Variants in SLMAP observed in about 807,000 individuals in gnomAD.
SLMAP encodes sarcolemma associated protein.
Under a neutral mutation model 128.8 loss-of-function variants are expected in SLMAP, and 44 were observed. The ratio of observed to expected loss-of-function variants is 0.34; its 90% CI spans 0.27 to 0.44. SLMAP has a LOEUF of 0.44. Among genes scored for constraint, SLMAP ranks in the 20% least tolerant of loss-of-function variants. The pLI is 1.00. For synonymous variants in SLMAP, 327 were observed against 348.8 expected, an observed-to-expected ratio of 0.94 and a Z score of 0.70; for missense variants, 787 against 985.3, an observed-to-expected ratio of 0.80 and a Z score of 2.69.
intron 14 of SLMAP, among the ~76,000 whole-genome samples, chr3:57,887,467 C>T (rs1278362714): frequency 6.6e-6 from 1 of 152,112 alleles, no homozygotes; most frequent in Admixed American, 6.6e-5. Flanking sequence ...CAACCTCGGC[C>T]TCCCAAAGTG....
intron 10 of SLMAP, among the ~76,000 whole-genome samples, chr3:57,863,695 C>T (rs1027136714): frequency 6.6e-6 from 1 of 152,050 alleles, no homozygotes; most frequent in African/African-American, 2.4e-5. Flanking sequence ...GAGGACAGCA[C>T]CAAGCCATTC....
At chr3:57,815,767 A>G (rs1473215249) in intron 2 of SLMAP, among the ~76,000 whole-genome samples, 1 of 151,732 alleles carries the variant, frequency 6.6e-6, no homozygotes, top group Non-Finnish European at 1.5e-5. Flanking sequence ...GCACTGCACC[A>G]GCCTTTTTAT....
At chr3:57,906,318 T>TTTTTTTTTTTTTTTTTTTTTTTC (rs2096558913) in intron 17 of SLMAP, among the ~76,000 whole-genome samples, 1 of 120,168 alleles carries the variant, frequency 8.3e-6, no homozygotes, top group Non-Finnish European at 1.7e-5. Flanking sequence ...TTCTTTTTTT[T>TTTTTTTTTTTTTTTTTTTTTTTC]TTTTTTTTTT....
At chr3:57,868,281 A>G (rs1163083942) in intron 13 of SLMAP, among the ~76,000 whole-genome samples, 1 of 151,820 alleles carries the variant, frequency 6.6e-6, no homozygotes, top group South Asian at 2.1e-4. Flanking sequence ...AATAAACATA[A>G]TGAGAGCCAC....
intron 2 of SLMAP, among the ~76,000 whole-genome samples, chr3:57,825,659 A>G (rs1044275372): frequency 4.6e-5 from 7 of 152,144 alleles, no homozygotes; most frequent in Admixed American, 1.3e-4. Flanking sequence ...TAGGCAAAAC[A>G]AAGATGAAAG....
chr3:57,858,219 C>T (rs930728577), intron 8 of SLMAP, 60 bp downstream of exon 8: 1 of 928,772 alleles, frequency 1.1e-6, no homozygotes, highest in African/African-American at 1.6e-5. Context: ...AACATCATTT[C>T]TTTGACTATC....
intron 2 of SLMAP, among the ~76,000 whole-genome samples, chr3:57,781,005 T>C (rs1410573793): frequency 9.7e-6 from 1 of 103,420 alleles, no homozygotes; most frequent in Admixed American, 1.1e-4. Context: ...TGTATGCACA[T>C]ATATATATAC....
intron 14 of SLMAP, among the ~76,000 whole-genome samples, chr3:57,875,188 A>G (rs577798002): frequency 6.6e-6 from 1 of 152,328 alleles, no homozygotes; most frequent in Admixed American, 6.5e-5. Flanking sequence ...AAAAAAATCA[A>G]AATATAAAAT....
intron 2 of SLMAP, among the ~76,000 whole-genome samples, chr3:57,796,562 A>G (rs1198436970): frequency 1.3e-5 from 2 of 152,214 alleles, no homozygotes; most frequent in African/African-American, 2.4e-5. Flanking sequence ...TCTGCAAAGC[A>G]CTTAGAACGA....
chr3:57,813,411 TA>T (rs1398292999), intron 2 of SLMAP, among the ~76,000 whole-genome samples: 2 of 152,288 alleles, frequency 1.3e-5, no homozygotes, highest in East Asian at 3.9e-4. Context: ...TTTAAAATTT[TA>T]ATAAATATTG....
At position 57,854,523 on chromosome 3, in the gene SLMAP, G is replaced by A. The variant is rs143517104; in HGVS notation, c.520-3210G>A. Among the ~76,000 whole-genome samples the A allele has an allele frequency of 5.2e-3, 788 of 152,108 alleles. 5 individuals are homozygous for A. The highest frequency in any genetic ancestry group is 0.018 in the African/African-American group (740 of 41,472). ...TGAGGCATGAGAATTGCTTGAACGC[G>A]GGAGGTGGAGGTTGCAGTGAGCCAA... is the stretch of plus-strand genomic sequence containing the variant. On this transcript the variant is annotated intron_variant, in intron 6 of 24. Coordinates refer to ENST00000671191, the MANE Select transcript of SLMAP (RefSeq NM_001377540.1).
intron 2 of SLMAP, among the ~76,000 whole-genome samples, chr3:57,759,129 C>A (rs2078129005): frequency 6.6e-6 from 1 of 152,160 alleles, no homozygotes; most frequent in Non-Finnish European, 1.5e-5. Flanking sequence ...TGCATAATAT[C>A]TATACTTTAC....
chr3:57,863,914 A>G (rs367826891), intron 10 of SLMAP, among the ~76,000 whole-genome samples: 1 of 152,202 alleles, frequency 6.6e-6, no homozygotes, highest in South Asian at 2.1e-4. Flanking sequence ...TCAAAATTGA[A>G]ATGATAGTAA....
intron 3 of SLMAP, among the ~76,000 whole-genome samples, chr3:57,840,221 C>T (rs895732322): frequency 3.3e-5 from 5 of 151,514 alleles, no homozygotes; most frequent in South Asian, 2.1e-4. Context: ...CCCAAAGTAC[C>T]GGGATTACAG....
At chr3:57,892,893 G>A (rs2096127298) in intron 15 of SLMAP, among the ~76,000 whole-genome samples, 1 of 147,098 alleles carries the variant, frequency 6.8e-6, no homozygotes, top group African/African-American at 2.5e-5. Context: ...GAGTGCAGTG[G>A]CTCAATCTCG....
chr3:57,867,134 G>A (rs547137588), intron 13 of SLMAP, among the ~76,000 whole-genome samples: 37 of 152,254 alleles, frequency 2.4e-4, no homozygotes, highest in African/African-American at 7.7e-4. Context: ...AGCCCAGATC[G>A]TGCCACTGCA....
intron 14 of SLMAP, among the ~76,000 whole-genome samples, chr3:57,877,831 C>CTTT (rs57685937): frequency 0.1 from 11,615 of 111,280 alleles, 621 homozygotes; most frequent in Non-Finnish European, 0.14. Flanking sequence ...TTTTTTCCTT[C>CTTT]TTTTTTTTTT....
chr3:57,916,842 C>G, intron 21 of SLMAP, 64 bp from the exon 22 acceptor site: 1 of 1,345,922 alleles, frequency 7.4e-7, no homozygotes, highest in Non-Finnish European at 1.0e-6. Flanking sequence ...GTATAAGAAA[C>G]TGGACTTCCT....
chr3:57,843,376 G>A (rs1246186078), intron 4 of SLMAP, among the ~76,000 whole-genome samples: 1 of 122,710 alleles, frequency 8.1e-6, no homozygotes, highest in East Asian at 2.7e-4. Context: ...TAGTAATCTC[G>A]GCTTGCTGCA....
Sources: gnomAD v4.1 joint callset for allele counts (sites outside exome capture counted in the v4.1 genomes callset) on GRCh38, gnomAD v4.1.1 for gene constraint, MANE v1.5 for transcripts, NCBI Gene and HGNC (gene_info 2026-07-23, HGNC 2026-07-21) for gene names.